Variants in NAGK observed in about 807,000 individuals in gnomAD.
NAGK encodes the protein N-acetyl-D-glucosamine kinase.
A neutral mutation model predicts 42.9 loss-of-function variants in NAGK; 35 were observed. The ratio of observed to expected loss-of-function variants is 0.82; its 90% CI spans 0.62 to 1.08. The LOEUF is 1.08. Among genes scored for constraint, NAGK ranks in the 50% least tolerant of loss-of-function variants. The pLI is 0.00. For synonymous variants in NAGK, 172 were observed against 176.0 expected (o/e 0.98, Z 0.18); for missense variants, 446 against 446.0 (o/e 1.00, Z 0.00).
chr2:71,070,235 C>G, intron 1 of NAGK: 1 of 375,436 alleles, frequency 2.7e-6, no homozygotes, highest in South Asian at 2.4e-5. Flanking sequence ...GTGGGCCACA[C>G]CTCAGAAAAG....
intron 6 of NAGK, 21 bp downstream of exon 6, chr2:71,073,615 A>G (rs1181504502): frequency 3.8e-6 from 6 of 1,559,704 alleles, no homozygotes; most frequent in Non-Finnish European, 5.3e-6. Flanking sequence ...TGCTCCCAGT[A>G]AACATGCGCA....
intron 8 of NAGK, among the ~76,000 whole-genome samples, chr2:71,076,994 C>T (rs6758472): frequency 0.12 from 18,389 of 151,928 alleles, 1,208 homozygotes; most frequent in East Asian, 0.22. Context: ...GACACAGTCT[C>T]ACTCTGTCAG....
At chr2:71,068,511 C>T (rs1186880168), upstream of NAGK, 9 of 1,437,472 alleles carry the variant, frequency 6.3e-6, no homozygotes, top group South Asian at 1.4e-5. Flanking sequence ...AGGGACGCAG[C>T]CATCCCCGGC....
rs991938058 is a variant in NAGK at position 71,068,799 on chromosome 2, C to T, written c.29+87C>T. On this transcript the variant is annotated intron_variant, in intron 1 of 9. Coordinates refer to ENST00000244204, the MANE Select transcript of NAGK (RefSeq NM_017567.6). ...CTGGCAAGCTGGTGGCCTTGATCCTCGGCGTCCGGGCACTTTGGGCGGCGG... is the reference window on the plus strand; with the variant it reads ...CTGGCAAGCTGGTGGCCTTGATCCTTGGCGTCCGGGCACTTTGGGCGGCGG... 1.2e-5 allele frequency: 17 copies of T among 1,417,908 alleles called. No individual in the cohort carries two copies. In the African/African-American group the frequency reaches 2.6e-4, roughly 22 times the overall value. The allele number at this position is 1,417,908 out of a possible 1,614,324, so 87.8% of individuals were successfully genotyped here.
At chr2:71,075,112 G>A (rs1317004235) in intron 6 of NAGK, 1 of 155,622 alleles carries the variant, frequency 6.4e-6, no homozygotes, top group African/African-American at 2.4e-5. Flanking sequence ...ACTCCCCAAG[G>A]GAGAGTTACA....
chr2:71,069,138 T>C (rs1671902525), intron 1 of NAGK: 1 of 993,288 alleles, frequency 1.0e-6, no homozygotes, highest in African/African-American at 1.7e-5. Context: ...GCTGAGGTTA[T>C]CCGGGAGCTG....
At chr2:71,073,091 A>G in intron 5 of NAGK, 1 of 450,052 alleles carries the variant, frequency 2.2e-6, no homozygotes. Flanking sequence ...GCTAGGGGAA[A>G]GGGTGTAGAA....
chr2:71,077,503 T>G (rs1031492127), intron 8 of NAGK, 55 bp from the exon 9 acceptor site: 1 of 1,541,494 alleles, frequency 6.5e-7, no homozygotes, highest in Non-Finnish European at 8.8e-7. Flanking sequence ...ACTCCCGCCT[T>G]CAGCACTGGA....
chr2:71,071,603 A>G (rs1348292880), intron 3 of NAGK, 83 bp from the exon 4 acceptor site: 1 of 1,494,882 alleles, frequency 6.7e-7, no homozygotes, highest in African/African-American at 1.4e-5. Context: ...GAGAACAGGA[A>G]TCAGGCATCA....
rs777980140 is a variant in NAGK at position 71,075,646 on chromosome 2, C to T, written c.667+4C>T. The T allele has an allele frequency of 1.7e-5, 27 of 1,604,996 alleles. 1 individual carries two copies. The South Asian group carries it at 2.9e-4, about 17-fold the overall frequency. On this transcript the variant is annotated splice_donor_region_variant and intron_variant, in intron 7 of 9. Coordinates refer to ENST00000244204, the MANE Select transcript of NAGK (RefSeq NM_017567.6). ...TTTTGCCGGAAAATTGCAGAAGGTA[C>T]TGGAGGTGGGGGGTGGGTTTTATCT...
At position 71,071,476 on chromosome 2, in the gene NAGK, CTCTT is replaced by C. The variant is rs752549490; in HGVS notation, c.214-205_214-202del. On this transcript the variant is annotated intron_variant, in intron 3 of 9. Coordinates refer to ENST00000244204, the MANE Select transcript of NAGK (RefSeq NM_017567.6). Reference sequence around the variant, plus strand: ...TCCAAAGCTGGCATTGTTGAATCCCCTCTTTCTTCTGTCCATCCCCAGTCCAGGT... The same window carrying C: ...TCCAAAGCTGGCATTGTTGAATCCCCTCTTCTGTCCATCCCCAGTCCAGGT... 7.9e-4 allele frequency: 495 copies of C among 624,644 alleles called. 4 individuals carry two copies. The highest frequency in any genetic ancestry group is 4.5e-4 in the Non-Finnish European group (171 of 382,440). 38.7% of individuals were successfully genotyped at this position (624,644 alleles called of 1,614,324 possible).
At chr2:71,072,532 TG>T in intron 4 of NAGK, 108 bp from the exon 5 acceptor site, 1 of 839,318 alleles carries the variant, frequency 1.2e-6, no homozygotes, top group Non-Finnish European at 2.0e-6. Flanking sequence ...CAGGACTGGG[TG>T]GTGATTCCCT....
intron 4 of NAGK, 94 bp downstream of exon 4, chr2:71,071,921 G>A (rs969428349): frequency 2.0e-6 from 3 of 1,476,398 alleles, no homozygotes; most frequent in Non-Finnish European, 2.8e-6. Flanking sequence ...CAAATATCCA[G>A]AAGGCAGCCA....
chr2:71,073,471 G>T lies in NAGK; in HGVS notation c.467-11G>T. ...TGCTCCCATCTTCTTAGCCCTCTCT[G>T]CTCCCTGCAGCCTACTGGATCGCAC... is the stretch of plus-strand genomic sequence containing the variant. On this transcript the variant is annotated splice_polypyrimidine_tract_variant and intron_variant, in intron 5 of 9. Coordinates refer to ENST00000244204, the MANE Select transcript of NAGK (RefSeq NM_017567.6). The T allele has an allele frequency of 1.3e-6, 2 of 1,599,768 alleles. No individual in the cohort carries two copies. Among genetic ancestry groups the T allele is most frequent in the Non-Finnish European group, 1.7e-6 (2 of 1,166,964 alleles).
chr2:71,077,265 C>A (rs1672244316), intron 8 of NAGK, among the ~76,000 whole-genome samples: 1 of 152,210 alleles, frequency 6.6e-6, no homozygotes, highest in South Asian at 2.1e-4. Flanking sequence ...CCCAGCCTGT[C>A]CCCTTTCTTT....
Position 71,076,590 on chromosome 2 carries a change from C to A in NAGK, c.668-14C>A, listed in dbSNP as rs754697297. The A allele has an allele frequency of 1.1e-5, 18 of 1,595,510 alleles. No homozygotes were observed. In the Admixed American group the frequency reaches 1.5e-4, roughly 13 times the overall value. On this transcript the variant is annotated splice_polypyrimidine_tract_variant and intron_variant, in intron 7 of 9. Coordinates refer to ENST00000244204, the MANE Select transcript of NAGK (RefSeq NM_017567.6). ...TTTCTCACCAGTTTCCTTCTTCCGT[C>A]CTCCCTACCCCAGGTGCTCAGCAGG...
intron 1 of NAGK, 186 bp downstream of exon 1, chr2:71,068,898 C>G (rs1671893478): frequency 7.6e-7 from 1 of 1,316,074 alleles, no homozygotes; most frequent in Non-Finnish European, 9.6e-7. Context: ...TACGGGGACT[C>G]TGCCTGTGCA....
intron 5 of NAGK, 145 bp downstream of exon 5, chr2:71,072,896 A>C (rs1479564895): frequency 2.7e-6 from 2 of 743,120 alleles, no homozygotes; most frequent in East Asian, 5.5e-5. Context: ...GTGCAGGATC[A>C]TGACTGAGAT....
upstream of NAGK, chr2:71,068,528 C>T (rs953850143): frequency 1.4e-6 from 2 of 1,459,800 alleles, no homozygotes; most frequent in Non-Finnish European, 1.8e-6. Context: ...CGGCTCCTAC[C>T]GGCGCCCCGC....
Sources: allele counts gnomAD v4.1 joint callset (sites outside exome capture counted in the v4.1 genomes callset), GRCh38; gene constraint gnomAD v4.1.1; transcripts MANE v1.5; gene names NCBI Gene and HGNC (gene_info 2026-07-23, HGNC 2026-07-21).